Variants in ARHGEF4 observed in about 807,000 individuals in gnomAD.
The protein encoded by ARHGEF4 is Rho guanine nucleotide exchange factor 4.
ARHGEF4 carries 119 observed loss-of-function variants against 162.0 expected under a neutral mutation model. The ratio of observed to expected loss-of-function variants is 0.73; its 90% CI spans 0.63 to 0.86. The LOEUF (loss-of-function observed/expected upper bound fraction) is 0.86, where lower values mean the gene tolerates loss of function less well. Ranked by LOEUF, ARHGEF4 falls within the 40% of genes least tolerant of loss-of-function variation. The probability of loss-of-function intolerance (pLI) is 0.00; values close to 1 mark genes in which losing one functional copy is unlikely to be tolerated. For synonymous variants in ARHGEF4, 1,014 were observed against 979.9 expected (o/e 1.03, Z -0.65); for missense variants, 2,488 against 2,456.0 (o/e 1.01, Z -0.28).
At position 130,899,598 on chromosome 2, in the gene ARHGEF4, G is replaced by A. The variant is rs548497487; in HGVS notation, c.40-14388G>A. Among the ~76,000 whole-genome samples the A allele has an allele frequency of 2.6e-5, 4 of 152,300 alleles. No homozygotes were observed. The East Asian group carries it at 5.8e-4, about 22-fold the overall frequency. ...ACACTGGAAGGCAGACGGGAGAGCC[G>A]CCAAAGACTCTAAGCAGGTGAGAGG... On this transcript the variant is annotated intron_variant, in intron 1 of 13. Transcript: ENST00000409359.
intron 4 of ARHGEF4, among the ~76,000 whole-genome samples, chr2:131,026,631 C>T (rs1164962262): frequency 1.3e-5 from 2 of 152,084 alleles, no homozygotes; most frequent in African/African-American, 4.8e-5. Flanking sequence ...ATAAATGGCC[C>T]ATAGATAAAA....
At position 130,914,432 on chromosome 2, in the gene ARHGEF4, G is replaced by A. The variant is rs1681369522; in HGVS notation, c.486G>A (p.Trp162Ter). 1.4e-6 allele frequency: 2 copies of A among 1,437,916 alleles called. No homozygotes were observed. The highest frequency in any genetic ancestry group is 1.8e-6 in the Non-Finnish European group (2 of 1,101,902). The allele number at this position is 1,437,916 out of a possible 1,614,324, so 89.1% of individuals were successfully genotyped here. A position where few individuals can be genotyped will look rare whatever the true frequency, so the allele number is the denominator to read the frequency against. Residue 162 changes from tryptophan to a stop codon, truncating the protein, a stop_gained, in exon 2 of 14, where the codon TGG becomes TGA. Coordinates refer to ENST00000409359, the MANE Select transcript of ARHGEF4 (RefSeq NM_001367493.1). LOFTEE classifies it high-confidence loss of function. ...GAGAACAGGAGGCAGGACACCTCTG[G>A]GACTGCGCGACCAGCCTGGAGCGAG... ...VAGEQEAGHL[W>*]DCATSLERES... is the part of the protein sequence containing the mutation.
At chr2:131,003,245 C>T (rs532401762) in intron 4 of ARHGEF4, among the ~76,000 whole-genome samples, 5 of 152,216 alleles carry the variant, frequency 3.3e-5, no homozygotes, top group African/African-American at 1.2e-4. Flanking sequence ...CAGGTCATGC[C>T]GTAAGACACA....
At chr2:130,976,518 C>G (rs1573501479) in intron 4 of ARHGEF4, among the ~76,000 whole-genome samples, 1 of 152,156 alleles carries the variant, frequency 6.6e-6, no homozygotes, top group African/African-American at 2.4e-5. Flanking sequence ...TTTCAAGCAG[C>G]CTTCTGAATT....
rs565695100 is a variant in ARHGEF4 at position 130,918,010 on chromosome 2, C to T, written c.3552+512C>T. 4.6e-5 allele frequency among the ~76,000 whole-genome samples: 7 copies of T among 152,000 alleles called. No homozygotes were observed. In the East Asian group the frequency reaches 1.2e-3, roughly 25 times the overall value. ...CTAATTTTTGTTATTTTAGTAGAGACGGGGTTTCACCATGTTGGCCAGGCT... is the reference window on the plus strand; with the variant it reads ...CTAATTTTTGTTATTTTAGTAGAGATGGGGTTTCACCATGTTGGCCAGGCT... On this transcript the variant is annotated intron_variant, in intron 2 of 13. Transcript: ENST00000409359.
intron 2 of ARHGEF4, among the ~76,000 whole-genome samples, chr2:130,930,186 A>G (rs1036544124): frequency 6.6e-6 from 1 of 152,186 alleles, no homozygotes; most frequent in African/African-American, 2.4e-5. Context: ...GCAGACTTGA[A>G]ATACTTAAAA....
intron 4 of ARHGEF4, among the ~76,000 whole-genome samples, chr2:130,948,005 G>A (rs1165708510): frequency 6.6e-6 from 1 of 152,274 alleles, no homozygotes. Flanking sequence ...GCTTTGTCCA[G>A]GCTTGGGAGG....
intron 1 of ARHGEF4, among the ~76,000 whole-genome samples, chr2:130,865,651 C>T (rs902679380): frequency 6.6e-6 from 1 of 152,178 alleles, no homozygotes; most frequent in Non-Finnish European, 1.5e-5. Flanking sequence ...CTGATCCTCG[C>T]GGAAAAAGTC....
At chr2:130,856,635 T>C (rs1021772194) in intron 1 of ARHGEF4, among the ~76,000 whole-genome samples, 6 of 152,150 alleles carry the variant, frequency 3.9e-5, no homozygotes, top group Admixed American at 3.9e-4. Context: ...TAGAAAGTGA[T>C]TGCGGAAAAT....
At chr2:130,907,992 T>C (rs1680943909) in intron 1 of ARHGEF4, among the ~76,000 whole-genome samples, 1 of 151,880 alleles carries the variant, frequency 6.6e-6, no homozygotes, top group Non-Finnish European at 1.5e-5. Context: ...GGCTTTCGTG[T>C]GAGTATAATT....
intron 2 of ARHGEF4, among the ~76,000 whole-genome samples, chr2:130,919,523 G>A (rs559448775): frequency 4.2e-4 from 64 of 152,100 alleles, no homozygotes; most frequent in Admixed American, 7.9e-4. Flanking sequence ...AGGCAACTCA[G>A]AGTTAAATCA....
intron 6 of ARHGEF4, chr2:131,039,768 G>A (rs1690616478): frequency 7.3e-7 from 1 of 1,378,876 alleles, no homozygotes; most frequent in East Asian, 2.9e-5. Flanking sequence ...GGCACAAGCA[G>A]GGTCTAGGAA....
At position 130,864,241 on chromosome 2, in the gene ARHGEF4, A is replaced by C. The variant is rs1034038583; in HGVS notation, c.39+27249A>C. 4.6e-5 allele frequency among the ~76,000 whole-genome samples: 7 copies of C among 152,282 alleles called. No homozygotes were observed. The South Asian group carries it at 1.5e-3, about 32-fold the overall frequency. ...GAGTGAGTTACTGACACATTCAGCA[A>C]CATAGATGAATCTCAAAATAATTAC... is the stretch of plus-strand genomic sequence containing the variant. On this transcript the variant is annotated intron_variant, in intron 1 of 13. Transcript: ENST00000409359.
intron 4 of ARHGEF4, chr2:130,963,517 C>T (rs1206172818): frequency 6.6e-6 from 1 of 152,022 alleles, no homozygotes; most frequent in Non-Finnish European, 1.5e-5. Context: ...CTGCGACGAG[C>T]CTGGGCGTCG....
intron 1 of ARHGEF4, among the ~76,000 whole-genome samples, chr2:130,844,528 T>G (rs1471080488): frequency 6.6e-6 from 1 of 152,156 alleles, no homozygotes; most frequent in African/African-American, 2.4e-5. Context: ...TTCCACAGCT[T>G]TTTTGCCTGT....
Position 130,869,714 on chromosome 2 carries a change from G to A in ARHGEF4, c.39+32722G>A, listed in dbSNP as rs140685935. Among the ~76,000 whole-genome samples the A allele has an allele frequency of 9.8e-5, 15 of 152,348 alleles. No individual in the cohort carries two copies. The East Asian group carries it at 2.1e-3, about 22-fold the overall frequency. ...GCCAGGCAGCAGTCACGGGCAGCCC[G>A]GCCAGAGCGGGGAGCTGACATATCC... On this transcript the variant is annotated intron_variant, in intron 1 of 13. Transcript: ENST00000409359.
chr2:130,869,523 A>G (rs1170402811), intron 1 of ARHGEF4, among the ~76,000 whole-genome samples: 2 of 152,196 alleles, frequency 1.3e-5, no homozygotes, highest in Non-Finnish European at 2.9e-5. Flanking sequence ...GGCAGTAGCT[A>G]TTTGATTGTG....
At chr2:131,014,395 A>G (rs1456202817) in intron 4 of ARHGEF4, among the ~76,000 whole-genome samples, 1 of 152,230 alleles carries the variant, frequency 6.6e-6, no homozygotes, top group African/African-American at 2.4e-5. Flanking sequence ...TTGTGACCAC[A>G]AAGTCTTGTT....
At chr2:130,963,464 C>G (rs1432894012) in intron 4 of ARHGEF4, among the ~76,000 whole-genome samples, 1 of 151,960 alleles carries the variant, frequency 6.6e-6, no homozygotes, top group African/African-American at 2.4e-5. Context: ...GGAATCCTTG[C>G]GGTGAAAAAG....
Sources: gnomAD v4.1 joint callset for allele counts (sites outside exome capture counted in the v4.1 genomes callset) on GRCh38, gnomAD v4.1.1 for gene constraint, MANE v1.5 for transcripts, NCBI Gene and HGNC (gene_info 2026-07-23, HGNC 2026-07-21) for gene names.